Variants in MAGI2 observed in about 807,000 individuals in gnomAD.
The protein encoded by MAGI2 is membrane associated guanylate kinase, WW and PDZ domain containing 2, also known as membrane-associated guanylate kinase, WW and PDZ domain-containing protein 2.
Under a neutral mutation model 133.3 loss-of-function variants are expected in MAGI2, and 35 were observed. The ratio of observed to expected loss-of-function variants is 0.26; its 90% CI spans 0.20 to 0.35. The LOEUF is 0.35. MAGI2 is among the 10% of genes least tolerant of loss of function. The pLI is 1.00. For synonymous variants in MAGI2, 729 were observed against 710.6 expected, an observed-to-expected ratio of 1.03 and a Z score of -0.41; for missense variants, 1,636 against 1,863.4, an observed-to-expected ratio of 0.88 and a Z score of 2.25.
At chr7:78,205,079 CA>C (rs1829609176) in intron 10 of MAGI2, among the ~76,000 whole-genome samples, 2 of 152,170 alleles carry the variant, frequency 1.3e-5, no homozygotes, top group Admixed American at 1.3e-4. Flanking sequence ...AGAAAAAAGA[CA>C]ACACTGATTT....
At chr7:78,938,690 T>C (rs1338593633) in intron 2 of MAGI2, among the ~76,000 whole-genome samples, 1 of 152,150 alleles carries the variant, frequency 6.6e-6, no homozygotes, top group East Asian at 1.9e-4. Context: ...CACCGACAGC[T>C]TGTAATCTCT....
intron 9 of MAGI2, among the ~76,000 whole-genome samples, chr7:78,307,763 G>A (rs1798360787): frequency 6.6e-6 from 1 of 152,064 alleles, no homozygotes; most frequent in Admixed American, 6.6e-5. Context: ...CTGAGTATGT[G>A]GGAATTAATT....
chr7:79,229,659 G>T (rs1563020683), intron 1 of MAGI2, among the ~76,000 whole-genome samples: 1 of 152,112 alleles, frequency 6.6e-6, no homozygotes, highest in African/African-American at 2.4e-5. Context: ...CAGATTCTGG[G>T]CTCCAGTTGC....
At chr7:78,027,551 C>G (rs1809060937) in intron 21 of MAGI2, among the ~76,000 whole-genome samples, 1 of 150,460 alleles carries the variant, frequency 6.6e-6, no homozygotes, top group Non-Finnish European at 1.5e-5. Flanking sequence ...TCGCTTGAAC[C>G]TGGGAGGCAG....
At chr7:78,871,748 C>T (rs963347344) in intron 2 of MAGI2, among the ~76,000 whole-genome samples, 2 of 151,776 alleles carry the variant, frequency 1.3e-5, no homozygotes, top group South Asian at 2.1e-4. Flanking sequence ...AAAGAGTTAC[C>T]ATTTGCATGT....
At chr7:78,048,219 G>A (rs1419039888) in intron 21 of MAGI2, among the ~76,000 whole-genome samples, 1 of 152,176 alleles carries the variant, frequency 6.6e-6, no homozygotes, top group Non-Finnish European at 1.5e-5. Context: ...TGTCCTCACT[G>A]GCTTGTCTTC....
At chr7:78,660,270 A>G (rs1812801325) in intron 2 of MAGI2, among the ~76,000 whole-genome samples, 1 of 152,148 alleles carries the variant, frequency 6.6e-6, no homozygotes, top group Non-Finnish European at 1.5e-5. Flanking sequence ...TTAAAGTATA[A>G]TAATAAAAAT....
chr7:78,441,535 G>T (rs1026949633), intron 6 of MAGI2, among the ~76,000 whole-genome samples: 1 of 152,092 alleles, frequency 6.6e-6, no homozygotes, highest in Admixed American at 6.6e-5. Context: ...TAAGCTGTTT[G>T]TAACTAGAGG....
intron 1 of MAGI2, among the ~76,000 whole-genome samples, chr7:79,032,279 G>A (rs1250240032): frequency 6.6e-6 from 1 of 152,110 alleles, no homozygotes; most frequent in African/African-American, 2.4e-5. Flanking sequence ...AACTTTGGAA[G>A]GCCAAGGCGG....
At chr7:78,627,084 C>T (rs199579000) in intron 3 of MAGI2, 36 bp downstream of exon 3, 32 of 1,534,518 alleles carry the variant, frequency 2.1e-5, no homozygotes, top group Non-Finnish European at 2.7e-5. Flanking sequence ...AAATGTGATG[C>T]CAACAAGAAA....
chr7:78,786,230 T>C (rs572141698), intron 2 of MAGI2, among the ~76,000 whole-genome samples: 8 of 152,086 alleles, frequency 5.3e-5, no homozygotes, highest in Non-Finnish European at 8.8e-5. Context: ...ACCTTCAAAA[T>C]AGATCAGCAT....
chr7:78,451,443 G>A (rs1285891868), intron 6 of MAGI2, among the ~76,000 whole-genome samples: 1 of 152,010 alleles, frequency 6.6e-6, no homozygotes, highest in Non-Finnish European at 1.5e-5. Context: ...GTTCTTGATG[G>A]GGAGATTGAG....
intron 2 of MAGI2, among the ~76,000 whole-genome samples, chr7:78,972,015 TAA>T (rs1442497680): frequency 2.6e-5 from 4 of 151,906 alleles, no homozygotes; most frequent in African/African-American, 9.7e-5. Context: ...TCACAAAAAA[TAA>T]GAGATGAAAA....
chr7:79,237,181 A>G (rs367573730), intron 1 of MAGI2, among the ~76,000 whole-genome samples: 1 of 152,216 alleles, frequency 6.6e-6, no homozygotes, highest in Non-Finnish European at 1.5e-5. Flanking sequence ...CAAACTCACA[A>G]AATATTTTCT....
chr7:78,527,328 A>G (rs1279665523), intron 3 of MAGI2, among the ~76,000 whole-genome samples: 1 of 152,148 alleles, frequency 6.6e-6, no homozygotes, highest in East Asian at 1.9e-4. Context: ...ACCATTGTGG[A>G]ATTATTCTTC....
In MAGI2 at chr7:79,017,106, G is replaced by A. The variant is rs542942379; in HGVS notation, c.302-9900C>T. On this transcript the variant is annotated intron_variant, in intron 1 of 21. Transcript: ENST00000354212. ...TGAGCATGCAACTTGCAGCACTGCC[G>A]CTGCTGCTGGCACATAACAAATAAG... Among the ~76,000 whole-genome samples, 247 of 152,298 alleles carry A rather than the reference G, an allele frequency of 1.6e-3. 1 individual carries two copies. Among genetic ancestry groups the A allele is most frequent in the African/African-American group, 5.7e-3 (235 of 41,548 alleles).
intron 3 of MAGI2, among the ~76,000 whole-genome samples, chr7:78,608,430 T>G (rs1185045791): frequency 6.6e-6 from 1 of 151,426 alleles, no homozygotes; most frequent in Non-Finnish European, 1.5e-5. Context: ...GGCGACTGAA[T>G]GTGTGTGCAT....
intron 1 of MAGI2, among the ~76,000 whole-genome samples, chr7:79,303,827 G>A (rs1042783579): frequency 2.6e-5 from 4 of 152,124 alleles, no homozygotes; most frequent in Admixed American, 1.3e-4. Flanking sequence ...CGACATTAAG[G>A]TTAGCTTGTC....
At chr7:79,352,060 A>T (rs1433947470) in intron 1 of MAGI2, among the ~76,000 whole-genome samples, 1 of 152,202 alleles carries the variant, frequency 6.6e-6, no homozygotes, top group Non-Finnish European at 1.5e-5. Flanking sequence ...TACAGATAAC[A>T]CCATATAGAA....
Sources: allele counts gnomAD v4.1 joint callset (sites outside exome capture counted in the v4.1 genomes callset), GRCh38; gene constraint gnomAD v4.1.1; transcripts MANE v1.5; gene names NCBI Gene and HGNC (gene_info 2026-07-23, HGNC 2026-07-21).